CADM1: variants seen among roughly 807,000 people sequenced by gnomAD.
The protein encoded by CADM1 is TSLC-1.
A neutral mutation model predicts 53.1 loss-of-function variants in CADM1; 15 were observed. The ratio of observed to expected loss-of-function variants is 0.28; its 90% confidence interval spans 0.19 to 0.44. The LOEUF is 0.44. Ranked by LOEUF, CADM1 falls within the 20% of genes least tolerant of loss-of-function variation. CADM1 has a pLI of 1.00. For missense variants in CADM1, 434 were observed against 611.3 expected (o/e 0.71, Z 3.06); for synonymous variants, 281 against 243.0 (o/e 1.16, Z -1.45).
chr11:115,254,052 C>T (rs1358999294), intron 1 of CADM1, among the ~76,000 whole-genome samples: 1 of 152,166 alleles, frequency 6.6e-6, no homozygotes, highest in Non-Finnish European at 1.5e-5. Context: ...AGATAATCCA[C>T]ATATTTGTAC....
At chr11:115,238,035 C>T (rs996544384) in intron 3 of CADM1, among the ~76,000 whole-genome samples, 3 of 151,930 alleles carry the variant, frequency 2.0e-5, no homozygotes, top group Admixed American at 6.6e-5. Flanking sequence ...TAAACAAGGC[C>T]GTAAGTCAAG....
At chr11:115,358,783 C>T (rs1945947851) in intron 1 of CADM1, among the ~76,000 whole-genome samples, 1 of 152,148 alleles carries the variant, frequency 6.6e-6, no homozygotes, top group Non-Finnish European at 1.5e-5. Context: ...TATCATCTCT[C>T]CACCTAAATT....
chr11:115,245,487 G>A (rs1942379178), intron 1 of CADM1, among the ~76,000 whole-genome samples: 1 of 152,172 alleles, frequency 6.6e-6, no homozygotes, highest in South Asian at 2.1e-4. Flanking sequence ...TCGCTGACTT[G>A]AAGCTTCAAA....
chr11:115,363,523 A>G (rs1205934794), intron 1 of CADM1: 3 of 152,240 alleles, frequency 2.0e-5, no homozygotes, highest in African/African-American at 7.2e-5. Flanking sequence ...TTAAGCAGCA[A>G]TCTGGATGAC....
chr11:115,183,640 A>G (rs1400544737), intron 10 of CADM1, among the ~76,000 whole-genome samples: 1 of 152,190 alleles, frequency 6.6e-6, no homozygotes, highest in Admixed American at 6.5e-5. Flanking sequence ...GGGTGACACA[A>G]TGATACACAA....
At chr11:115,437,836 T>C (rs1486687704) in intron 1 of CADM1, among the ~76,000 whole-genome samples, 1 of 152,150 alleles carries the variant, frequency 6.6e-6, no homozygotes, top group Non-Finnish European at 1.5e-5. Context: ...CAGCTCATTA[T>C]CAAGGCAGAG....
chr11:115,493,532 T>C (rs894841822), intron 1 of CADM1, among the ~76,000 whole-genome samples: 4 of 152,126 alleles, frequency 2.6e-5, no homozygotes, highest in Non-Finnish European at 4.4e-5. Flanking sequence ...TCACAAGATA[T>C]GTATACACAA....
At chr11:115,444,021 T>C (rs1948390679) in intron 1 of CADM1, among the ~76,000 whole-genome samples, 1 of 152,146 alleles carries the variant, frequency 6.6e-6, no homozygotes, top group African/African-American at 2.4e-5. Context: ...ACATAGTCTG[T>C]AATCAACATT....
At chr11:115,364,247 C>G (rs1003915808) in intron 1 of CADM1, among the ~76,000 whole-genome samples, 11 of 152,248 alleles carry the variant, frequency 7.2e-5, no homozygotes, top group African/African-American at 2.6e-4. Flanking sequence ...AAATTATATG[C>G]TTCTATAAAC....
intron 1 of CADM1, among the ~76,000 whole-genome samples, chr11:115,479,999 A>C (rs1008711917): frequency 6.6e-6 from 1 of 152,232 alleles, no homozygotes; most frequent in Non-Finnish European, 1.5e-5. Context: ...ATATGGAATG[A>C]AAGAATTTTA....
intron 10 of CADM1, among the ~76,000 whole-genome samples, chr11:115,185,201 T>TA (rs1195512204): frequency 1.7e-4 from 26 of 152,336 alleles, no homozygotes; most frequent in African/African-American, 6.0e-4. Flanking sequence ...TCTCCTGTAT[T>TA]AGAGCCTAAG....
chr11:115,431,080 A>G (rs1434799006), intron 1 of CADM1, among the ~76,000 whole-genome samples: 6 of 152,196 alleles, frequency 3.9e-5, no homozygotes, highest in Non-Finnish European at 8.8e-5. Context: ...TTACATTAAA[A>G]GGAGAAAAAA....
chr11:115,403,009 T>C (rs888990512), intron 1 of CADM1, among the ~76,000 whole-genome samples: 1 of 152,152 alleles, frequency 6.6e-6, no homozygotes, highest in Non-Finnish European at 1.5e-5. Context: ...TAGGAAAGAA[T>C]GCATGCTAAA....
At chr11:115,305,917 A>G in intron 1 of CADM1, among the ~76,000 whole-genome samples, 1 of 151,358 alleles carries the variant, frequency 6.6e-6, no homozygotes. Flanking sequence ...AAAAAAAAAA[A>G]AAAAGAATAT....
chr11:115,488,006 C>T (rs1015232673), intron 1 of CADM1, among the ~76,000 whole-genome samples: 6 of 145,270 alleles, frequency 4.1e-5, no homozygotes, highest in Non-Finnish European at 7.5e-5. Flanking sequence ...ATGCCTCTAA[C>T]TTAAAAGGTC....
intron 5 of CADM1, among the ~76,000 whole-genome samples, chr11:115,219,458 T>C (rs982729813): frequency 1.3e-5 from 2 of 152,284 alleles, no homozygotes; most frequent in South Asian, 2.1e-4. Context: ...ATACTGAGAA[T>C]TGGTAGTGCT....
chr11:115,252,264 T>C (rs556377306), intron 1 of CADM1, among the ~76,000 whole-genome samples: 1 of 152,244 alleles, frequency 6.6e-6, no homozygotes, highest in African/African-American at 2.4e-5. Context: ...AGTGAAGTAA[T>C]GCCTATGAAA....
chr11:115,220,640 T>C (rs1941369723), intron 5 of CADM1, among the ~76,000 whole-genome samples: 1 of 152,192 alleles, frequency 6.6e-6, no homozygotes, highest in Non-Finnish European at 1.5e-5. Flanking sequence ...ATAGGCATAT[T>C]ATCTGACCAC....
In CADM1 at chr11:115,458,630, GT is replaced by G. The variant is rs1440193352; in HGVS notation, c.124+45640del. ...GGAAAGTCCTATATAAGGGGAGAGT[GT>G]TTTCCCCCCATCCACATTTAGCATT... On this transcript the variant is annotated intron_variant, in intron 1 of 11. Coordinates refer to ENST00000331581, the MANE Select transcript of CADM1 (RefSeq NM_001301043.2). 4.6e-5 allele frequency among the ~76,000 whole-genome samples: 7 copies of G among 151,790 alleles called. No homozygotes were observed. In the East Asian group the frequency reaches 1.2e-3, roughly 25 times the overall value.
Sources: gnomAD v4.1 joint callset for allele counts (sites outside exome capture counted in the v4.1 genomes callset) on GRCh38, gnomAD v4.1.1 for gene constraint, MANE v1.5 for transcripts, NCBI Gene and HGNC (gene_info 2026-07-23, HGNC 2026-07-21) for gene names.